The following FBXW5 variants were observed in gnomAD, a reference collection of about 807,000 sequenced individuals.
FBXW5 encodes F-box/WD repeat-containing protein 5.
In FBXW5, 74 loss-of-function variants were observed where a neutral mutation model predicts 50.9. The ratio of observed to expected loss-of-function variants is 1.45; its 90% CI spans 1.20 to 1.76. The LOEUF is 1.76. Ranked by LOEUF, FBXW5 falls within the 40% of genes most tolerant of loss-of-function variation. The pLI, the probability that FBXW5 is intolerant of heterozygous loss-of-function variation, is 0.00. For synonymous variants in FBXW5, 523 were observed against 362.2 expected (o/e 1.44, Z -5.04); for missense variants, 1,073 against 818.8 (o/e 1.31, Z -3.79).
Position 136,942,836 on chromosome 9 carries a change from C to T in FBXW5, c.459G>A (p.Leu153=). 1.9e-6 allele frequency: 3 copies of T among 1,613,464 alleles called. No individual in the cohort carries two copies. Among genetic ancestry groups the T allele is most frequent in the Admixed American group, 1.7e-5 (1 of 60,034 alleles). Residue 153 remains leucine, a synonymous_variant, in exon 4 of 9, where the codon CTG becomes CTA. Coordinates refer to ENST00000325285, the MANE Select transcript of FBXW5 (RefSeq NM_018998.4). ...FSQFNKDDSL[L]LASGVFLGPH... The stretch of plus-strand genomic sequence containing the variant: ...GCCCCAGGAACACCCCCGAGGCCAG[C>T]AGTAGCGAGTCGTCCTTGTTGAACT...
chr9:136,943,078 C>T (rs1588461621), intron 3 of FBXW5, 135 bp from the exon 4 acceptor site: 1 of 1,369,328 alleles, frequency 7.3e-7, no homozygotes, highest in African/African-American at 1.4e-5. Flanking sequence ...CTTCCAGCCA[C>T]TGTCATCCAC....
intron 6 of FBXW5, 121 bp from the exon 7 acceptor site, chr9:136,941,805 C>A: frequency 6.9e-7 from 1 of 1,446,962 alleles, no homozygotes; most frequent in African/African-American, 1.4e-5. Flanking sequence ...GTGGGCACTG[C>A]CTGCTCCGGG....
Position 136,941,532 on chromosome 9 carries a change from C to T in FBXW5, c.1244+5G>A, listed in dbSNP as rs886330878. On this transcript the variant is annotated splice_donor_5th_base_variant and intron_variant, in intron 7 of 8. Coordinates refer to ENST00000325285, the MANE Select transcript of FBXW5 (RefSeq NM_018998.4). ...CCCCGCCTGGGACACTGGCAAGAGG[C>T]CCACCTGTTGTCGGGCGACAGGCCC... The T allele has an allele frequency of 4.3e-6, 7 of 1,609,476 alleles. No individual in the cohort carries two copies. Among genetic ancestry groups the T allele is most frequent in the African/African-American group, 1.3e-5 (1 of 75,072 alleles).
rs759400081 is a variant in FBXW5 at position 136,942,037 on chromosome 9, G to C, written c.1096+9C>G. On this transcript the variant is annotated intron_variant, in intron 6 of 8. Transcript: ENST00000325285. ...GACCGAGGCGGGCAGCATGGCGGCA[G>C]GGGTGTACCGATCTGGTGTGGGGAG... The C allele has an allele frequency of 1.7e-5, 27 of 1,599,238 alleles. No individual in the cohort carries two copies. In the East Asian group the frequency reaches 5.8e-4, roughly 35 times the overall value.
intron 2 of FBXW5, 144 bp from the exon 3 acceptor site, chr9:136,943,650 CA>C: frequency 3.3e-6 from 4 of 1,223,608 alleles, no homozygotes; most frequent in Non-Finnish European, 4.5e-6. Flanking sequence ...CTGGGGGATT[CA>C]ACCCTGTAGC....
chr9:136,942,711 G>A lies in FBXW5; in HGVS notation c.527-16C>T. 3.7e-6 allele frequency: 6 copies of A among 1,610,932 alleles called. No individual in the cohort carries two copies. The highest frequency in any genetic ancestry group is 5.1e-6 in the Non-Finnish European group (6 of 1,179,230). ...GCGAAGGAGTCTGTGGGGAGGCCGG[G>A]GCTGGACAGGCTGTCGGCGTGGGGC... is the stretch of plus-strand genomic sequence containing the variant. On this transcript the variant is annotated splice_polypyrimidine_tract_variant and intron_variant, in intron 4 of 8. Coordinates refer to ENST00000325285, the MANE Select transcript of FBXW5 (RefSeq NM_018998.4).
rs935629208 is a variant in FBXW5, at chr9:136,944,380, G to GAC, written c.-24+212_-24+213dup. ...CGGACCGCCGCACGCGAGGCACGGG[G>GAC]ACACCAGGCGCCGTCCGGGGACGGG... is the stretch of plus-strand genomic sequence containing the variant. On this transcript the variant is annotated intron_variant, in intron 1 of 8. Transcript: ENST00000325285. 47 of 669,666 alleles carry GAC rather than the reference G, an allele frequency of 7.0e-5. No individual in the cohort carries two copies. The African/African-American group carries it at 7.5e-4, about 11-fold the overall frequency. The allele number at this position is 669,666 out of a possible 1,614,324, so 41.5% of individuals were successfully genotyped here. A position where few individuals can be genotyped will look rare whatever the true frequency, so the allele number is the denominator to read the frequency against.
In FBXW5 at chr9:136,941,364, G is replaced by T. The variant is rs201429106; in HGVS notation, c.1344C>A (p.Phe448Leu). The change falls in exon 8 of 9, where the codon TTC becomes TTA. Residue 448 changes from phenylalanine (F) to leucine (L), a missense_variant. By Grantham distance (22) the Phe-to-Leu change is conservative. Transcript: ENST00000325285. ...PIAEEIDLLV[F>L]DLKTMREVRR... ...TCACCTCCCGCATGGTCTTGAGGTC[G>T]AACACCAGCAGGTCAATCTCCTCCG... is the stretch of plus-strand genomic sequence containing the variant. The T allele has an allele frequency of 6.2e-7, 1 of 1,611,668 alleles. No individual in the cohort carries two copies. The highest frequency in any genetic ancestry group is 2.2e-5 in the East Asian group (1 of 44,882).
intron 3 of FBXW5, 97 bp downstream of exon 3, chr9:136,943,252 C>T (rs964010183): frequency 8.5e-7 from 1 of 1,178,158 alleles, no homozygotes; most frequent in Non-Finnish European, 1.2e-6. Flanking sequence ...TGACCCACCC[C>T]CCCCCCCACC....
In FBXW5 at chr9:136,942,887, G is replaced by A. The variant is rs1355421863; in HGVS notation, c.408C>T (p.Tyr136=). 3 of 1,613,560 alleles carry A rather than the reference G, an allele frequency of 1.9e-6. No individual in the cohort carries two copies. Among genetic ancestry groups the A allele is most frequent in the Non-Finnish European group, 2.5e-6 (3 of 1,179,994 alleles). Reference sequence around the variant, plus strand: ...GGGAGAACTGGGTGTAGCTCCAGTTGTAGGGCCGCATGTCCGCGCTGTGCA... The same window carrying A: ...GGGAGAACTGGGTGTAGCTCCAGTTATAGGGCCGCATGTCCGCGCTGTGCA... ...SLLHSADMRP[Y]NWSYTQFSQF... The change falls in exon 4 of 9, where the codon TAC becomes TAT. Residue 136 remains tyrosine (Y), a synonymous_variant. Transcript: ENST00000325285.
intron 3 of FBXW5, 96 bp downstream of exon 3, chr9:136,943,248 ACCCCC>A: frequency 1.4e-6 from 1 of 722,188 alleles, no homozygotes; most frequent in Non-Finnish European, 2.2e-6. Flanking sequence ...GGCCTGACCC[ACCCCC>A]CCCCCCACCA....
At chr9:136,943,310 G>T (rs1315953166) in intron 3 of FBXW5, 39 bp downstream of exon 3, 2 of 1,553,826 alleles carry the variant, frequency 1.3e-6, no homozygotes, top group Non-Finnish European at 1.8e-6. Context: ...TGCTGCGGCA[G>T]AGCTGGGTGG....
intron 7 of FBXW5, 36 bp from the exon 8 acceptor site, chr9:136,941,499 T>G (rs1188561337): frequency 6.2e-7 from 1 of 1,605,914 alleles, no homozygotes; most frequent in Non-Finnish European, 8.5e-7. Context: ...GTGGGCCGCC[T>G]GCGGGCACCC....
In FBXW5 at chr9:136,942,451, T is replaced by C; in HGVS notation, c.691A>G (p.Asn231Asp). 1 of 1,599,530 alleles carries C rather than the reference T, an allele frequency of 6.3e-7. No homozygotes were observed. Among genetic ancestry groups the C allele is most frequent in the Non-Finnish European group, 8.5e-7 (1 of 1,169,770 alleles). The change falls in exon 6 of 9, where the codon AAC (asparagine) becomes GAC (aspartate). Residue 231 changes from asparagine to aspartate, a missense_variant. Physicochemically the swap from Asn to Asp is conservative, Grantham distance 23. Coordinates refer to ENST00000325285, the MANE Select transcript of FBXW5 (RefSeq NM_018998.4). ...AACAGCCGCTTCACCACGTTGACGT[T>C]CTCTGACTCCACATCCTGGGGGCGG... ...NNAFQDVESE[N>D]VNVVKRLFKI...
intron 2 of FBXW5, 31 bp from the exon 3 acceptor site, chr9:136,943,537 CG>C: frequency 1.3e-5 from 20 of 1,593,664 alleles, no homozygotes; most frequent in Non-Finnish European, 1.5e-5. Context: ...GTCCTGGGCC[CG>C]GGCCTTCCTC....
At position 136,942,599 on chromosome 9, in the gene FBXW5, C is replaced by T. The variant is rs147650693; in HGVS notation, c.623G>A (p.Arg208His). The change falls in exon 5 of 9, where the codon CGC becomes CAC. Residue 208 changes from arginine (R) to histidine (H), a missense_variant. Transcript: ENST00000325285. ...CGAGCAGGAGGTGATATCTCCGATG[C>T]GGTGCAGGTTCCCCGAGATGAGGCT... ...ETSLISGNLH[R>H]IGDITSCSVL... is the part of the protein sequence containing the mutation. 261 of 1,611,038 alleles carry T rather than the reference C, an allele frequency of 1.6e-4. No individual in the cohort carries two copies. The African/African-American group carries it at 2.8e-3, about 17-fold the overall frequency.
chr9:136,940,656 G>C lies in FBXW5; in HGVS notation c.*272C>G, dbSNP rs1444153705. The C allele has an allele frequency of 2.0e-6, 1 of 502,154 alleles. No individual in the cohort carries two copies. The highest frequency in any genetic ancestry group is 1.9e-5 in the African/African-American group (1 of 51,730). The allele number at this position is 502,154 out of a possible 1,614,324, so 31.1% of individuals were successfully genotyped here. On this transcript the variant is annotated 3_prime_UTR_variant, in exon 9 of 9. Coordinates refer to ENST00000325285, the MANE Select transcript of FBXW5 (RefSeq NM_018998.4). Reference sequence around the variant, plus strand: ...TGGGTCAGGTGTACCCCTAGCCTGGGGTTGAGTGAGGAGCGGCACCCCCAG... The same window carrying C: ...TGGGTCAGGTGTACCCCTAGCCTGGCGTTGAGTGAGGAGCGGCACCCCCAG...
Position 136,944,616 on chromosome 9 carries a change from G to A in FBXW5, c.-46C>T. 1 of 984,228 alleles carries A rather than the reference G, an allele frequency of 1.0e-6. No individual in the cohort carries two copies. Among genetic ancestry groups the A allele is most frequent in the Non-Finnish European group, 1.2e-6 (1 of 829,026 alleles). 61.0% of individuals were successfully genotyped at this position (984,228 alleles called of 1,614,324 possible). Reference sequence around the variant, plus strand: ...CACCACGGCCGCCTCCGCCCGCTGCGCCGCCCCCGCCCTGCGCGACCCGGA... The same window carrying A: ...CACCACGGCCGCCTCCGCCCGCTGCACCGCCCCCGCCCTGCGCGACCCGGA... On this transcript the variant is annotated 5_prime_UTR_variant, in exon 1 of 9. Coordinates refer to ENST00000325285, the MANE Select transcript of FBXW5 (RefSeq NM_018998.4).
intron 3 of FBXW5, 147 bp from the exon 4 acceptor site, chr9:136,943,090 CG>C (rs1218234480): frequency 7.7e-7 from 1 of 1,305,252 alleles, no homozygotes; most frequent in Non-Finnish European, 1.1e-6. Context: ...GTCATCCACT[CG>C]GGGGGCATTG....
Sources: allele counts gnomAD v4.1 joint callset, GRCh38; gene constraint gnomAD v4.1.1; transcripts MANE v1.5; gene names NCBI Gene and HGNC (gene_info 2026-07-23, HGNC 2026-07-21).